The following UPF3A variants were observed in gnomAD, a reference collection of about 807,000 sequenced individuals.
UPF3A encodes the protein regulator of nonsense transcripts 3A.
In UPF3A, 42 loss-of-function variants were observed where a neutral mutation model predicts 53.5. The observed-to-expected ratio is 0.78, with a 90% confidence interval of 0.61 to 1.01. The LOEUF (loss-of-function observed/expected upper bound fraction) is 1.01, where lower values mean the gene tolerates loss of function less well. Among genes scored for constraint, UPF3A ranks in the 50% least tolerant of loss-of-function variants. The pLI is 0.00. For synonymous variants in UPF3A, 237 were observed against 225.3 expected, an observed-to-expected ratio of 1.05 and a Z score of -0.47; for missense variants, 575 against 598.0, an observed-to-expected ratio of 0.96 and a Z score of 0.40.
chr13:114,292,465 G>A (rs1057361887), intron 7 of UPF3A, among the ~76,000 whole-genome samples: 3 of 130,482 alleles, frequency 2.3e-5, no homozygotes, highest in African/African-American at 3.0e-5. Flanking sequence ...GGTGTGTTAC[G>A]TGTTCATTTT....
At chr13:114,288,447 A>C (rs1050131389) in intron 5 of UPF3A, among the ~76,000 whole-genome samples, 3 of 152,220 alleles carry the variant, frequency 2.0e-5, no homozygotes, top group African/African-American at 7.2e-5. Flanking sequence ...GGAGGAAGGA[A>C]GCGCCAGGGG....
chr13:114,296,668 C>T (rs1444763318), intron 7 of UPF3A, among the ~76,000 whole-genome samples: 1 of 152,182 alleles, frequency 6.6e-6, no homozygotes, highest in African/African-American at 2.4e-5. Flanking sequence ...ACCGGTGACA[C>T]ACTGGGACTT....
Position 114,295,691 on chromosome 13 carries a change from G to A in UPF3A, c.847-3149G>A, listed in dbSNP as rs182111909. Among the ~76,000 whole-genome samples, 470 of 152,082 alleles carry A rather than the reference G, an allele frequency of 3.1e-3. 2 individuals carry two copies. Among genetic ancestry groups the A allele is most frequent in the Non-Finnish European group, 4.1e-3 (280 of 67,982 alleles). On this transcript the variant is annotated intron_variant, in intron 7 of 9. Coordinates refer to ENST00000375299, the MANE Select transcript of UPF3A (RefSeq NM_023011.4). Reference sequence around the variant, plus strand: ...CCTTTGTTTCCTTTTTCATATTTTTGCCACTGTTCACAGCATTCCCCCTTG... The same window carrying A: ...CCTTTGTTTCCTTTTTCATATTTTTACCACTGTTCACAGCATTCCCCCTTG...
chr13:114,298,817 T>A (rs770816155), intron 7 of UPF3A, 23 bp from the exon 8 acceptor site: 5 of 1,530,844 alleles, frequency 3.3e-6, no homozygotes, highest in Non-Finnish European at 4.4e-6. Flanking sequence ...AGGTGATACT[T>A]TACTAACATT....
At chr13:114,282,721 T>G (rs892680928) in intron 2 of UPF3A, 116 bp from the exon 3 acceptor site, 1 of 1,502,512 alleles carries the variant, frequency 6.7e-7, no homozygotes, top group East Asian at 2.4e-5. Flanking sequence ...CTGAGATGAT[T>G]TGGCACAAAA....
chr13:114,299,129 T>G (rs2086345751), intron 8 of UPF3A, 129 bp downstream of exon 8: 1 of 906,102 alleles, frequency 1.1e-6, no homozygotes, highest in African/African-American at 1.7e-5. Flanking sequence ...CGAGTACACG[T>G]TAGCCTTCAT....
At chr13:114,282,696 A>G in intron 2 of UPF3A, 141 bp from the exon 3 acceptor site, 1 of 1,479,210 alleles carries the variant, frequency 6.8e-7, no homozygotes, top group South Asian at 1.3e-5. Flanking sequence ...AGAATATCCA[A>G]GTTGTTACAA....
At chr13:114,286,469 C>G (rs113202263) in intron 4 of UPF3A, 50 bp from the exon 5 acceptor site, 1 of 1,610,544 alleles carries the variant, frequency 6.2e-7, no homozygotes, top group South Asian at 1.1e-5. Flanking sequence ...GTAATTCTCC[C>G]GTAGTTGGGA....
At chr13:114,301,432 C>T (rs962830116) in intron 8 of UPF3A, among the ~76,000 whole-genome samples, 1 of 150,878 alleles carries the variant, frequency 6.6e-6, no homozygotes, top group Non-Finnish European at 1.5e-5. Flanking sequence ...CATTTTACTC[C>T]AGCCTGGGCA....
chr13:114,299,861 G>A (rs2086428991), intron 8 of UPF3A, among the ~76,000 whole-genome samples: 1 of 152,252 alleles, frequency 6.6e-6, no homozygotes, highest in Non-Finnish European at 1.5e-5. Flanking sequence ...ATTTTAGGTG[G>A]GAAGACTAAT....
Position 114,281,931 on chromosome 13 carries a change from G to A in UPF3A, c.207+85G>A. 2 of 1,161,316 alleles carry A rather than the reference G, an allele frequency of 1.7e-6. 1 individual carries two copies. Among genetic ancestry groups the A allele is most frequent in the Non-Finnish European group, 2.4e-6 (2 of 824,934 alleles). 71.9% of individuals were successfully genotyped at this position (1,161,316 alleles called of 1,614,324 possible). A position where few individuals can be genotyped will look rare whatever the true frequency, so the allele number is the denominator to read the frequency against. Reference sequence around the variant, plus strand: ...AGGGGAGGGAGGGGAGGGAGGGGCGGGGGCCGGGCCTCCCAGCGCGGTACG... The same window carrying A: ...AGGGGAGGGAGGGGAGGGAGGGGCGAGGGCCGGGCCTCCCAGCGCGGTACG... On this transcript the variant is annotated intron_variant, in intron 1 of 9. Transcript: ENST00000375299.
At chr13:114,292,434 G>A (rs1450065313) in intron 7 of UPF3A, among the ~76,000 whole-genome samples, 13 of 138,018 alleles carry the variant, frequency 9.4e-5, no homozygotes, top group African/African-American at 3.0e-4. Context: ...GTTCATTTTC[G>A]GTTCAAGGCG....
intron 3 of UPF3A, chr13:114,283,801 T>G: frequency 1.0e-6 from 1 of 985,668 alleles, no homozygotes; most frequent in Non-Finnish European, 1.2e-6. Flanking sequence ...TCTGCTGTTG[T>G]GTTCCTGGCT....
At chr13:114,282,227 A>C in intron 2 of UPF3A, 100 bp downstream of exon 2, 1 of 983,840 alleles carries the variant, frequency 1.0e-6, no homozygotes, top group Non-Finnish European at 1.5e-6. Context: ...TTTCTCCTAT[A>C]TGGGAGTCGT....
chr13:114,289,189 TAG>T (rs765763098), intron 5 of UPF3A, among the ~76,000 whole-genome samples: 3 of 152,132 alleles, frequency 2.0e-5, no homozygotes, highest in Non-Finnish European at 4.4e-5. Context: ...GACTTGGCTG[TAG>T]AGTCTTCCTT....
intron 7 of UPF3A, among the ~76,000 whole-genome samples, chr13:114,293,727 A>G (rs1049587678): frequency 2.0e-5 from 3 of 152,218 alleles, no homozygotes; most frequent in African/African-American, 7.2e-5. Context: ...TATGAGGAAA[A>G]AAATGAAATG....
intron 3 of UPF3A, chr13:114,285,280 A>C (rs2084566709): frequency 2.0e-5 from 3 of 152,214 alleles, no homozygotes; most frequent in Admixed American, 2.0e-4. Flanking sequence ...TCTCTATTTT[A>C]TTCCCTTGGT....
At chr13:114,303,995 A>G (rs1468565523) in intron 9 of UPF3A, among the ~76,000 whole-genome samples, 1 of 152,190 alleles carries the variant, frequency 6.6e-6, no homozygotes, top group East Asian at 1.9e-4. Context: ...CTGGAGAAGG[A>G]GCGCATGAGA....
intron 7 of UPF3A, among the ~76,000 whole-genome samples, chr13:114,294,752 G>T (rs1237377424): frequency 6.6e-6 from 1 of 151,902 alleles, no homozygotes; most frequent in Non-Finnish European, 1.5e-5. Flanking sequence ...TTGAACCTGG[G>T]AGGCAGAGGT....
Sources: allele counts gnomAD v4.1 joint callset (sites outside exome capture counted in the v4.1 genomes callset), GRCh38; gene constraint gnomAD v4.1.1; transcripts MANE v1.5; gene names NCBI Gene and HGNC (gene_info 2026-07-23, HGNC 2026-07-21).